Variants in PDE9A observed in about 807,000 individuals in gnomAD.
The protein encoded by PDE9A is phosphodiesterase 9A.
Under a neutral mutation model 87.4 loss-of-function variants are expected in PDE9A, and 60 were observed. The observed-to-expected ratio is 0.69, with a 90% confidence interval of 0.56 to 0.85. The LOEUF (loss-of-function observed/expected upper bound fraction) is 0.85, where lower values mean the gene tolerates loss of function less well. PDE9A is among the 40% of genes least tolerant of loss of function. The pLI is 0.00. For synonymous variants in PDE9A, 272 were observed against 279.4 expected (o/e 0.97, Z 0.27); for missense variants, 665 against 779.0 (o/e 0.85, Z 1.74).
intron 4 of PDE9A, among the ~76,000 whole-genome samples, chr21:42,728,059 G>A (rs1352386575): frequency 6.6e-6 from 1 of 152,098 alleles, no homozygotes; most frequent in Non-Finnish European, 1.5e-5. Context: ...ACCAACCGCT[G>A]ATCAGAAATG....
intron 10 of PDE9A, 26 bp downstream of exon 10, chr21:42,754,090 C>A (rs141470511): frequency 6.6e-7 from 1 of 1,519,884 alleles, no homozygotes; most frequent in Non-Finnish European, 9.1e-7. Flanking sequence ...GCAGGCACCA[C>A]GTCCCAGGGG....
At chr21:42,689,086 G>A (rs34279659) in intron 3 of PDE9A, among the ~76,000 whole-genome samples, 1 of 151,474 alleles carries the variant, frequency 6.6e-6, no homozygotes, top group South Asian at 2.1e-4. Context: ...CGAGGTCCTC[G>A]TGGGTGTGGC....
intron 1 of PDE9A, among the ~76,000 whole-genome samples, chr21:42,685,989 G>GA (rs2059440577): frequency 6.6e-6 from 1 of 152,092 alleles, no homozygotes. Context: ...TCTTTCCACT[G>GA]AACACGACAA....
chr21:42,733,298 T>G (rs1569216964), intron 6 of PDE9A, 58 bp from the exon 7 acceptor site: 11 of 1,019,436 alleles, frequency 1.1e-5, no homozygotes, highest in Non-Finnish European at 1.7e-5. Context: ...CTTAACCGGT[T>G]TTGGCTCTGA....
intron 2 of PDE9A, 151 bp from the exon 3 acceptor site, chr21:42,687,766 G>C: frequency 1.6e-6 from 1 of 611,492 alleles, no homozygotes. Flanking sequence ...CCCTGGGGAC[G>C]GCCTCCCACC....
At chr21:42,736,883 C>T (rs2146790573) in intron 7 of PDE9A, among the ~76,000 whole-genome samples, 1 of 152,374 alleles carries the variant, frequency 6.6e-6, no homozygotes, top group African/African-American at 2.4e-5. Context: ...TCCCCACTCT[C>T]CAGCGGATGT....
At chr21:42,742,076 C>T (rs1439534844) in intron 7 of PDE9A, among the ~76,000 whole-genome samples, 1 of 152,202 alleles carries the variant, frequency 6.6e-6, no homozygotes, top group African/African-American at 2.4e-5. Context: ...GGTAAACGTG[C>T]AGTCAGCCAA....
intron 1 of PDE9A, among the ~76,000 whole-genome samples, chr21:42,678,601 C>T (rs2058983286): frequency 6.6e-6 from 1 of 152,222 alleles, no homozygotes; most frequent in Non-Finnish European, 1.5e-5. Context: ...TTGGAATCAG[C>T]CTTTCTTTAA....
intron 4 of PDE9A, among the ~76,000 whole-genome samples, chr21:42,718,735 C>T (rs1031942824): frequency 1.3e-5 from 2 of 151,774 alleles, no homozygotes; most frequent in African/African-American, 4.8e-5. Flanking sequence ...GTCTCGTTTG[C>T]TCATTTTGGC....
chr21:42,731,858 C>A lies in PDE9A; in HGVS notation c.351C>A (p.Pro117=), dbSNP rs1337221275. The change falls in exon 5 of 20, where the codon CCC becomes CCA. Residue 117 remains proline, a synonymous_variant. Coordinates refer to ENST00000291539, the MANE Select transcript of PDE9A (RefSeq NM_002606.3). ...RDRRVVGLEQ[P]RREGAFESGQ... is the part of the protein sequence containing the mutation. The stretch of plus-strand genomic sequence containing the variant: ...GACGGGTTGTGGGCCTGGAGCAGCC[C>A]CGGAGGGAAGGAGCATTTGAAAGTG... The A allele has an allele frequency of 1.5e-5, 24 of 1,614,064 alleles. No homozygotes were observed. The highest frequency in any genetic ancestry group is 2.0e-5 in the Non-Finnish European group (24 of 1,180,038).
intron 19 of PDE9A, among the ~76,000 whole-genome samples, chr21:42,773,928 C>CA (rs1224716919): frequency 6.8e-6 from 1 of 146,788 alleles, no homozygotes; most frequent in South Asian, 2.1e-4. Flanking sequence ...CACGGTGAAA[C>CA]CCTTCTCTAC....
chr21:42,674,485 T>A (rs1475676602), intron 1 of PDE9A, among the ~76,000 whole-genome samples: 2 of 151,848 alleles, frequency 1.3e-5, no homozygotes, highest in African/African-American at 4.8e-5. Flanking sequence ...AAGAACAGGG[T>A]GGGGGCTGCT....
At chr21:42,766,215 C>A (rs117415255) in intron 15 of PDE9A, among the ~76,000 whole-genome samples, 31 of 152,330 alleles carry the variant, frequency 2.0e-4, no homozygotes, top group Non-Finnish European at 3.8e-4. Flanking sequence ...GTGGTCCCAA[C>A]TGCTTGGGAG....
At chr21:42,707,259 C>G (rs756840176) in intron 4 of PDE9A, among the ~76,000 whole-genome samples, 2 of 152,200 alleles carry the variant, frequency 1.3e-5, no homozygotes, top group Non-Finnish European at 2.9e-5. Flanking sequence ...CCGGATGCTG[C>G]GGGTGTGCCA....
intron 9 of PDE9A, 37 bp downstream of exon 9, chr21:42,751,234 G>A (rs768136115): frequency 2.1e-6 from 3 of 1,446,880 alleles, no homozygotes; most frequent in Middle Eastern, 1.7e-4. Flanking sequence ...AGCTGCAGCT[G>A]TGTCCCCAGC....
chr21:42,670,326 TCA>T (rs1035344509), intron 1 of PDE9A, among the ~76,000 whole-genome samples: 5 of 72,736 alleles, frequency 6.9e-5, no homozygotes, highest in African/African-American at 5.0e-4. Context: ...ACACTCACAT[TCA>T]CACACATTCA....
chr21:42,765,492 C>G lies in PDE9A; in HGVS notation c.1354C>G (p.Leu452Val), dbSNP rs1218955316. The part of the protein sequence containing the change: ...FDYSNEEHMT[L>V]LKMILIKCCD... Reference sequence around the variant, plus strand: ...CTACAGCAACGAGGAGCACATGACCCTGGTGAGTGGCTTATTCTGCCTGGG... The same window carrying G: ...CTACAGCAACGAGGAGCACATGACCGTGGTGAGTGGCTTATTCTGCCTGGG... The change falls in exon 15 of 20, where the codon CTG becomes GTG. Residue 452 changes from leucine to valine, a missense_variant and splice_region_variant. Physicochemically the swap from Leu to Val is conservative, Grantham distance 32. Transcript: ENST00000291539. 6.3e-7 allele frequency: 1 copy of G among 1,575,306 alleles called. No homozygotes were observed. Among genetic ancestry groups the G allele is most frequent in the East Asian group, 2.2e-5 (1 of 44,558 alleles).
intron 1 of PDE9A, among the ~76,000 whole-genome samples, chr21:42,661,241 G>A (rs1018276751): frequency 1.2e-4 from 18 of 151,938 alleles, no homozygotes; most frequent in African/African-American, 4.1e-4. Context: ...ACCTTGACCA[G>A]GCTGGTCTCG....
chr21:42,753,005 C>CCTT (rs1555944770), intron 9 of PDE9A, among the ~76,000 whole-genome samples: 8 of 123,156 alleles, frequency 6.5e-5, no homozygotes, highest in Non-Finnish European at 1.5e-4. Flanking sequence ...CTTTATTGCC[C>CCTT]TTTTTTTATT....
Sources: gnomAD v4.1 joint callset for allele counts (sites outside exome capture counted in the v4.1 genomes callset) on GRCh38, gnomAD v4.1.1 for gene constraint, MANE v1.5 for transcripts, NCBI Gene and HGNC (gene_info 2026-07-23, HGNC 2026-07-21) for gene names.